TRPC6: variants seen among roughly 807,000 people sequenced by gnomAD.
The protein encoded by TRPC6 is short transient receptor potential channel 6.
TRPC6 carries 55 observed loss-of-function variants against 90.7 expected under a neutral mutation model. That is an observed-to-expected ratio of 0.61 (90% CI 0.49 to 0.76). The LOEUF is 0.76. TRPC6 is among the 30% of genes least tolerant of loss of function. The pLI, the probability that TRPC6 is intolerant of heterozygous loss-of-function variation, is 0.00. For synonymous variants in TRPC6, 393 were observed against 393.0 expected, an observed-to-expected ratio of 1.00 and a Z score of 0.00; for missense variants, 989 against 1,122.7, an observed-to-expected ratio of 0.88 and a Z score of 1.70.
At chr11:101,518,498 C>T (rs1197478090) in intron 1 of TRPC6, among the ~76,000 whole-genome samples, 1 of 152,174 alleles carries the variant, frequency 6.6e-6, no homozygotes, top group Non-Finnish European at 1.5e-5. Flanking sequence ...AATGAGATGT[C>T]ATCTCACCCA....
intron 1 of TRPC6, among the ~76,000 whole-genome samples, chr11:101,514,278 G>GAA (rs34914358): frequency 6.6e-6 from 1 of 151,890 alleles, no homozygotes. Context: ...GGGTATGGCA[G>GAA]AAAAAAAGAG....
At chr11:101,517,089 G>A (rs1860539974) in intron 1 of TRPC6, among the ~76,000 whole-genome samples, 1 of 152,200 alleles carries the variant, frequency 6.6e-6, no homozygotes, top group South Asian at 2.1e-4. Context: ...AACCAGAATG[G>A]AATTTGTCTA....
chr11:101,509,237 T>G (rs911881331), intron 1 of TRPC6, among the ~76,000 whole-genome samples: 1 of 151,814 alleles, frequency 6.6e-6, no homozygotes, highest in African/African-American at 2.4e-5. Context: ...TAGCTGGGAC[T>G]AAAGGCACAT....
At chr11:101,576,053 C>T (rs902073532) in intron 1 of TRPC6, among the ~76,000 whole-genome samples, 2 of 152,148 alleles carry the variant, frequency 1.3e-5, no homozygotes, top group Non-Finnish European at 2.9e-5. Flanking sequence ...TCCACGTGTT[C>T]CAGCCCCAAA....
intron 1 of TRPC6, among the ~76,000 whole-genome samples, chr11:101,545,056 G>C (rs1297714913): frequency 6.6e-6 from 1 of 151,954 alleles, no homozygotes; most frequent in Non-Finnish European, 1.5e-5. Flanking sequence ...ACTCCTATAA[G>C]AGTTATTGTT....
At chr11:101,473,236 A>G (rs545129761) in intron 7 of TRPC6, among the ~76,000 whole-genome samples, 70 of 152,118 alleles carry the variant, frequency 4.6e-4, no homozygotes, top group Non-Finnish European at 8.7e-4. Flanking sequence ...ATTTTTGTGA[A>G]TTTCAGTTGC....
At chr11:101,507,006 A>AACACAC (rs10590147) in intron 1 of TRPC6, among the ~76,000 whole-genome samples, 1,938 of 131,152 alleles carry the variant, frequency 0.015, 25 homozygotes, top group Non-Finnish European at 0.018. Context: ...CTCTCTCTCT[A>AACACAC]ACACACACAC....
intron 10 of TRPC6, among the ~76,000 whole-genome samples, chr11:101,466,378 A>G (rs760085168): frequency 1.2e-4 from 19 of 152,200 alleles, no homozygotes; most frequent in Non-Finnish European, 2.1e-4. Context: ...GACTGGGGCT[A>G]CTGCCTTTCT....
chr11:101,582,734 A>G (rs982583405), intron 1 of TRPC6, among the ~76,000 whole-genome samples: 5 of 151,942 alleles, frequency 3.3e-5, no homozygotes, highest in South Asian at 4.2e-4. Flanking sequence ...GGAGAGTCCT[A>G]TTGGTTCTAT....
intron 5 of TRPC6, among the ~76,000 whole-genome samples, chr11:101,477,112 A>C (rs1859435854): frequency 6.7e-6 from 1 of 150,302 alleles, no homozygotes; most frequent in African/African-American, 2.5e-5. Flanking sequence ...GAGACATGGG[A>C]CTCTTCTGAT....
intron 9 of TRPC6, among the ~76,000 whole-genome samples, chr11:101,470,477 CCTT>C (rs1393764802): frequency 6.6e-6 from 1 of 152,094 alleles, no homozygotes; most frequent in Non-Finnish European, 1.5e-5. Flanking sequence ...TCTCAGTGCT[CCTT>C]CTGAGTACAG....
At chr11:101,499,646 T>G in intron 2 of TRPC6, among the ~76,000 whole-genome samples, 1 of 140,990 alleles carries the variant, frequency 7.1e-6, no homozygotes, top group African/African-American at 2.6e-5. Flanking sequence ...TGTGTATATA[T>G]ATATATACAC....
At chr11:101,565,166 A>G (rs577047375) in intron 1 of TRPC6, among the ~76,000 whole-genome samples, 151 of 152,248 alleles carry the variant, frequency 9.9e-4, no homozygotes, top group African/African-American at 3.5e-3. Flanking sequence ...TTTGGATATG[A>G]CACCAAAAGC....
At chr11:101,582,031 T>C (rs183017389) in intron 1 of TRPC6, among the ~76,000 whole-genome samples, 2 of 152,316 alleles carry the variant, frequency 1.3e-5, no homozygotes, top group Non-Finnish European at 2.9e-5. Context: ...TACAACTTTA[T>C]GGATATATTA....
chr11:101,494,893 G>A (rs917679664), intron 2 of TRPC6, among the ~76,000 whole-genome samples: 3 of 152,048 alleles, frequency 2.0e-5, no homozygotes, highest in African/African-American at 7.2e-5. Context: ...TTTTCTACTT[G>A]GGAAATCATT....
At chr11:101,482,446 C>G (rs948867698) in intron 5 of TRPC6, among the ~76,000 whole-genome samples, 1 of 152,104 alleles carries the variant, frequency 6.6e-6, no homozygotes, top group Non-Finnish European at 1.5e-5. Flanking sequence ...TTAGATAAAT[C>G]CTATAAAATA....
intron 6 of TRPC6, among the ~76,000 whole-genome samples, chr11:101,474,020 G>A (rs1202781093): frequency 6.6e-6 from 1 of 152,154 alleles, no homozygotes; most frequent in African/African-American, 2.4e-5. Context: ...TCAGACTATA[G>A]ACTCAGTATC....
At chr11:101,542,826 A>G (rs982287064) in intron 1 of TRPC6, among the ~76,000 whole-genome samples, 2 of 152,112 alleles carry the variant, frequency 1.3e-5, no homozygotes, top group Non-Finnish European at 2.9e-5. Flanking sequence ...TCAGACTTCA[A>G]CATAAGAGGA....
intron 11 of TRPC6, among the ~76,000 whole-genome samples, chr11:101,453,949 TAGAAA>T (rs1339497229): frequency 3.3e-5 from 5 of 152,188 alleles, no homozygotes; most frequent in African/African-American, 1.2e-4. Flanking sequence ...AGTGAGTTCT[TAGAAA>T]AGAATGTTTA....
Sources: gnomAD v4.1 joint callset for allele counts (sites outside exome capture counted in the v4.1 genomes callset) on GRCh38, gnomAD v4.1.1 for gene constraint, MANE v1.5 for transcripts, NCBI Gene and HGNC (gene_info 2026-07-23, HGNC 2026-07-21) for gene names.